GALNT15: variants seen among roughly 807,000 people sequenced by gnomAD.
The protein encoded by GALNT15 is polypeptide N-acetylgalactosaminyltransferase 15.
Under a neutral mutation model 66.8 loss-of-function variants are expected in GALNT15, and 67 were observed. That is an observed-to-expected ratio of 1.00 (90% confidence interval 0.82 to 1.23). The LOEUF (loss-of-function observed/expected upper bound fraction) is 1.23. GALNT15 is among the 50% of genes most tolerant of loss of function. The pLI, the probability that GALNT15 is intolerant of heterozygous loss-of-function variation, is 0.00. For synonymous variants in GALNT15, 313 were observed against 311.5 expected (o/e 1.00, Z -0.05); for missense variants, 827 against 804.3 (o/e 1.03, Z -0.34).
chr3:16,223,330 GGA>G (rs1001275141), intron 9 of GALNT15, among the ~76,000 whole-genome samples: 13 of 152,186 alleles, frequency 8.5e-5, no homozygotes, highest in African/African-American at 3.1e-4. Context: ...CCGTACTTAA[GGA>G]GAGTGGGCAG....
chr3:16,236,211 C>T (rs1156404639), downstream of GALNT15, among the ~76,000 whole-genome samples: 1 of 147,928 alleles, frequency 6.8e-6, no homozygotes, highest in Admixed American at 6.9e-5. Context: ...ATTGTTGCCA[C>T]ATACCACCAA....
Position 16,195,728 on chromosome 3 carries a change from T to C in GALNT15, c.540-32T>C. ...TGGAGTGTTTCTTGTGGCCTTCTCT[T>C]CCCCATGGCTCTCTGGCTCTCTTCC... On this transcript the variant is annotated intron_variant, in intron 1 of 9. Coordinates refer to ENST00000339732, the MANE Select transcript of GALNT15 (RefSeq NM_054110.5). The surrounding 1 kb of genome is among the most constrained non-coding windows in gnomAD (Gnocchi z 4.6). The C allele has an allele frequency of 6.3e-7, 1 of 1,590,874 alleles. No homozygotes were observed. The highest frequency in any genetic ancestry group is 8.6e-7 in the Non-Finnish European group (1 of 1,164,084).
chr3:16,178,870 C>T (rs1023124865), intron 1 of GALNT15, among the ~76,000 whole-genome samples: 3 of 152,174 alleles, frequency 2.0e-5, no homozygotes, highest in Non-Finnish European at 2.9e-5. Context: ...CCCGTGCTAT[C>T]GCCAGCCACA....
rs2063688165 is a variant in GALNT15, at chr3:16,200,559, TCA to T, written c.707-57_707-56del. 2 of 1,327,464 alleles carry T rather than the reference TCA, an allele frequency of 1.5e-6. No individual in the cohort carries two copies. The highest frequency in any genetic ancestry group is 1.0e-6 in the Non-Finnish European group (1 of 981,734). The allele number at this position is 1,327,464 out of a possible 1,614,324, so 82.2% of individuals were successfully genotyped here. A position where few individuals can be genotyped will look rare whatever the true frequency, so the allele number is the denominator to read the frequency against. On this transcript the variant is annotated intron_variant, in intron 2 of 9. Coordinates refer to ENST00000339732, the MANE Select transcript of GALNT15 (RefSeq NM_054110.5). This position sits in a 1 kb window ranked among gnomAD's most constrained non-coding sequence, Gnocchi z 4.4. ...AGAGAGTTGCTGACGATTGTCTTAG[TCA>T]CAATCTCATCGGTTGTGGCATTTGT...
intron 1 of GALNT15, among the ~76,000 whole-genome samples, chr3:16,185,066 G>A (rs908810600): frequency 3.9e-5 from 6 of 152,136 alleles, no homozygotes; most frequent in African/African-American, 4.8e-5. Context: ...TATGGGCAGG[G>A]GCACCACAGA....
Position 16,199,458 on chromosome 3 carries a change from A to G in GALNT15, c.707-1161A>G, listed in dbSNP as rs1200756914. Among the ~76,000 whole-genome samples, 3 of 141,554 alleles carry G rather than the reference A, an allele frequency of 2.1e-5. 1 individual carries two copies. The highest frequency in any genetic ancestry group is 4.3e-4 in the East Asian group (2 of 4,694). The allele number at this position is 141,554 out of a possible 152,430, so 92.9% of individuals were successfully genotyped here. On this transcript the variant is annotated intron_variant, in intron 2 of 9. Transcript: ENST00000339732. ...GAGATCTCTTTGACCAGCACCACCA[A>G]TCTCCTACCAGCTGCCAAATTTAAT...
At position 16,187,775 on chromosome 3, in the gene GALNT15, T is replaced by C. The variant is rs1228920469; in HGVS notation, c.540-7985T>C. 2.0e-5 allele frequency among the ~76,000 whole-genome samples: 3 copies of C among 152,198 alleles called. No homozygotes were observed. The highest frequency in any genetic ancestry group is 7.2e-5 in the African/African-American group (3 of 41,440). ...TATTTCAAAGGGCATTTGGGAGGAA[T>C]AAATGTAATAATTCTTGTAATAATT... On this transcript the variant is annotated intron_variant, in intron 1 of 9. Transcript: ENST00000339732. The surrounding 1 kb of genome is among the most constrained non-coding windows in gnomAD (Gnocchi z 5.1).
In GALNT15 at chr3:16,211,381, G is replaced by C; in HGVS notation, c.1197+140G>C. The C allele has an allele frequency of 1.7e-6, 1 of 605,144 alleles. No individual in the cohort carries two copies. The highest frequency in any genetic ancestry group is 3.0e-6 in the Non-Finnish European group (1 of 337,256). 37.5% of individuals were successfully genotyped at this position (605,144 alleles called of 1,614,324 possible). Reference sequence around the variant, plus strand: ...TTATAAAGTCATTCCTGTGTTGTGTGTCAAACCTCCCATTTCTCACAGTTT... The same window carrying C: ...TTATAAAGTCATTCCTGTGTTGTGTCTCAAACCTCCCATTTCTCACAGTTT... On this transcript the variant is annotated intron_variant, in intron 5 of 9. Coordinates refer to ENST00000339732, the MANE Select transcript of GALNT15 (RefSeq NM_054110.5). This position sits in a 1 kb window ranked among gnomAD's most constrained non-coding sequence, Gnocchi z 4.3.
rs1241307623 is a variant in GALNT15 at position 16,212,707 on chromosome 3, GGGTCATT to G, written c.1337_1343del (p.Gly446AlafsTer15). On this transcript the variant is annotated frameshift_variant, in exon 6 of 10. Coordinates refer to ENST00000339732, the MANE Select transcript of GALNT15 (RefSeq NM_054110.5). LOFTEE classifies it high-confidence loss of function. ...GGTTCGCATTGCTGAGACCTGGCTG[GGGTCATT>G]CAAAGAAACCTTCTACAAGCATAGC... 6.2e-7 allele frequency: 1 copy of G among 1,613,884 alleles called. No homozygotes were observed. Among genetic ancestry groups the G allele is most frequent in the African/African-American group, 1.3e-5 (1 of 74,924 alleles).
downstream of GALNT15, among the ~76,000 whole-genome samples, chr3:16,234,953 C>T (rs1224921091): frequency 1.4e-5 from 2 of 144,776 alleles, no homozygotes; most frequent in Admixed American, 7.0e-5. Flanking sequence ...GTTGGAGTCT[C>T]ACTCCGTTGC....
At chr3:16,177,460 A>C (rs528631962) in intron 1 of GALNT15, among the ~76,000 whole-genome samples, 2 of 152,274 alleles carry the variant, frequency 1.3e-5, no homozygotes, top group East Asian at 1.9e-4. Context: ...TTGTGTGTGC[A>C]TTGCATTATG....
the GALNT15 span, among the ~76,000 whole-genome samples, chr3:16,244,230 A>G: frequency 2.0e-5 from 3 of 152,226 alleles, no homozygotes; most frequent in Non-Finnish European, 4.4e-5. Flanking sequence ...GAGTGATGCC[A>G]GCAGCAAGGA....
At position 16,186,904 on chromosome 3, in the gene GALNT15, T is replaced by C. The variant is rs1167821255; in HGVS notation, c.540-8856T>C. On this transcript the variant is annotated intron_variant, in intron 1 of 9. Transcript: ENST00000339732. This position sits in a 1 kb window ranked among gnomAD's most constrained non-coding sequence, Gnocchi z 5.1. ...CACCTTTATACTTGAATCCATGGAA[T>C]TGTACACTTTATAAAGGTGGACATT... 6.6e-6 allele frequency among the ~76,000 whole-genome samples: 1 copy of C among 152,190 alleles called. No individual in the cohort carries two copies. The highest frequency in any genetic ancestry group is 2.4e-5 in the African/African-American group (1 of 41,432).
chr3:16,247,982 G>A, the GALNT15 span, among the ~76,000 whole-genome samples: 2 of 152,166 alleles, frequency 1.3e-5, no homozygotes, highest in Non-Finnish European at 1.5e-5. Flanking sequence ...ATTTGGTGGC[G>A]AAAACTCTAC....
In GALNT15 at chr3:16,222,572, G is replaced by T. The variant is rs538605711; in HGVS notation, c.1630-43G>T. 6.7e-5 allele frequency: 108 copies of T among 1,613,018 alleles called. No homozygotes were observed. In the South Asian group the frequency reaches 1.1e-3, roughly 17 times the overall value. On this transcript the variant is annotated intron_variant, in intron 8 of 9. Transcript: ENST00000339732. ...TTACCTCCTCTACAGCTTTGAAGAG[G>T]ATCTCTTTCTAGCTGCGCTAACAAC...
chr3:16,248,183 A>G, the GALNT15 span, among the ~76,000 whole-genome samples: 2 of 152,226 alleles, frequency 1.3e-5, no homozygotes, highest in Non-Finnish European at 2.9e-5. The surrounding 1 kb of genome is among the most constrained non-coding windows in gnomAD (Gnocchi z 4.9). Context: ...TAGAAAATAT[A>G]GGTGCCTTAG....
At chr3:16,199,801 G>T (rs1257786842) in intron 2 of GALNT15, among the ~76,000 whole-genome samples, 1 of 152,176 alleles carries the variant, frequency 6.6e-6, no homozygotes, top group African/African-American at 2.4e-5. Context: ...CTGCATGACT[G>T]TCTGGCACCT....
rs2063531264 is a variant in GALNT15, at chr3:16,187,595, TA to T, written c.540-8164del. On this transcript the variant is annotated intron_variant, in intron 1 of 9. Transcript: ENST00000339732. The surrounding 1 kb of genome is among the most constrained non-coding windows in gnomAD (Gnocchi z 5.1). ...GGGAATTCTCGAATGTCACTTCTAG[TA>T]CATTCTATTGGTCTAAGGAAGGCAC... 6.6e-6 allele frequency among the ~76,000 whole-genome samples: 1 copy of T among 152,198 alleles called. No individual in the cohort carries two copies. The highest frequency in any genetic ancestry group is 2.4e-5 in the African/African-American group (1 of 41,452).
chr3:16,236,131 A>AAAAAAAAAAAAAAAAAT (rs869163721), downstream of GALNT15, among the ~76,000 whole-genome samples: 1 of 147,470 alleles, frequency 6.8e-6, no homozygotes. Flanking sequence ...AAAAAAAAAA[A>AAAAAAAAAAAAAAAAAT]GGACTGGGCA....
Sources: gnomAD v4.1 joint callset for allele counts (sites outside exome capture counted in the v4.1 genomes callset) on GRCh38, gnomAD v4.1.1 for gene constraint, Gnocchi (gnomAD v3.1) non-coding constraint, MANE v1.5 for transcripts, NCBI Gene and HGNC (gene_info 2026-07-23, HGNC 2026-07-21) for gene names.